Variants in ZMYND8 observed in about 807,000 individuals in gnomAD.
The protein encoded by ZMYND8 is zinc finger MYND-type containing 8, also known as MYND-type zinc finger-containing chromatin reader ZMYND8.
In ZMYND8, 37 loss-of-function variants were observed where a neutral mutation model predicts 140.8. That is an observed-to-expected ratio of 0.26 (90% CI 0.20 to 0.35). ZMYND8 has a LOEUF of 0.35. Among genes scored for constraint, ZMYND8 ranks in the 10% least tolerant of loss-of-function variants. The probability of loss-of-function intolerance (pLI) is 1.00; values close to 1 mark genes in which losing one functional copy is unlikely to be tolerated. For missense variants in ZMYND8, 1,068 were observed against 1,570.0 expected, an observed-to-expected ratio of 0.68 and a Z score of 5.40; for synonymous variants, 592 against 597.1, an observed-to-expected ratio of 0.99 and a Z score of 0.12.
rs2035148746 is a variant in ZMYND8 at position 47,210,917 on chromosome 20, T to C, written c.3569-20A>G. ...AATGGTCTGAGGGGGAAAACCAATG[T>C]GTTTAGCGTGCCTGCCCACCTGCGC... On this transcript the variant is annotated intron_variant, in intron 22 of 22. Transcript: ENST00000471951. 3 of 1,607,582 alleles carry C rather than the reference T, an allele frequency of 1.9e-6. No individual in the cohort carries two copies. In the East Asian group the frequency reaches 6.7e-5, roughly 36 times the overall value.
chr20:47,346,742 G>A (rs2082364389), intron 2 of ZMYND8, among the ~76,000 whole-genome samples: 1 of 152,182 alleles, frequency 6.6e-6, no homozygotes, highest in African/African-American at 2.4e-5. Context: ...AAGTAGCTAG[G>A]ATTACAGGCG....
rs977923388 is a variant in ZMYND8, at chr20:47,218,848, G to A, written c.3484+1410C>T. On this transcript the variant is annotated intron_variant, in intron 21 of 22. Transcript: ENST00000471951. ...CAAGGCCTAGCCCCTTAGGGAAACCGTTCCCAGCCCCTAACAATGGACATC... is the reference window on the plus strand; with the variant it reads ...CAAGGCCTAGCCCCTTAGGGAAACCATTCCCAGCCCCTAACAATGGACATC... Among the ~76,000 whole-genome samples the A allele has an allele frequency of 2.0e-5, 3 of 152,004 alleles. 1 individual carries two copies. The highest frequency in any genetic ancestry group is 4.1e-4 in the South Asian group (2 of 4,820).
At chr20:47,232,376 T>C (rs979967717) in intron 16 of ZMYND8, among the ~76,000 whole-genome samples, 18 of 151,336 alleles carry the variant, frequency 1.2e-4, no homozygotes, top group Middle Eastern at 3.4e-3. Flanking sequence ...CAAAAATAAA[T>C]AAATAAATAA....
intron 2 of ZMYND8, 44 bp from the exon 3 acceptor site, chr20:47,310,248 G>A (rs2078819297): frequency 1.9e-6 from 3 of 1,551,412 alleles, no homozygotes; most frequent in Non-Finnish European, 2.6e-6. Flanking sequence ...AGTCAGGGAG[G>A]CCTGGGCCCC....
intron 21 of ZMYND8, among the ~76,000 whole-genome samples, chr20:47,213,490 C>A (rs1398671837): frequency 2.0e-5 from 3 of 152,328 alleles, no homozygotes; most frequent in Middle Eastern, 3.4e-3. Flanking sequence ...AGAATTGTCA[C>A]ACTGCAACTT....
Position 47,210,066 on chromosome 20 carries a change from T to C in ZMYND8, c.*695A>G, listed in dbSNP as rs563441128. 1 of 152,820 alleles carries C rather than the reference T, an allele frequency of 6.5e-6. No individual in the cohort carries two copies. Among genetic ancestry groups the C allele is most frequent in the South Asian group, 2.1e-4 (1 of 4,832 alleles). The allele number at this position is 152,820 out of a possible 1,614,324, so 9.5% of individuals were successfully genotyped here. On this transcript the variant is annotated 3_prime_UTR_variant, in exon 23 of 23. Coordinates refer to ENST00000471951, the MANE Select transcript of ZMYND8 (RefSeq NM_001281775.3). ...TCTTCTGTAAACAAGGATATTGTTT[T>C]TTCCCTTTTAGGAGTAGAGTCATCA...
At chr20:47,302,707 C>T (rs1198169033) in intron 3 of ZMYND8, among the ~76,000 whole-genome samples, 1 of 152,162 alleles carries the variant, frequency 6.6e-6, no homozygotes, top group Non-Finnish European at 1.5e-5. Flanking sequence ...TCTCTCTTCC[C>T]TATAGCCCTC....
At position 47,237,041 on chromosome 20, in the gene ZMYND8, C is replaced by G. The variant is rs149518057; in HGVS notation, c.2666-525G>C. ...AATTTCAGCTTATGCTAGACTCTTG[C>G]CCCTATTACAGTAGCATATTACCAA... is the stretch of plus-strand genomic sequence containing the variant. On this transcript the variant is annotated intron_variant, in intron 15 of 22. Transcript: ENST00000471951. Among the ~76,000 whole-genome samples the G allele has an allele frequency of 2.0e-4, 30 of 152,334 alleles. No homozygotes were observed. In the East Asian group the frequency reaches 4.4e-3, roughly 23 times the overall value.
chr20:47,247,204 G>A (rs1343907352), intron 13 of ZMYND8, among the ~76,000 whole-genome samples: 3 of 152,166 alleles, frequency 2.0e-5, no homozygotes, highest in Non-Finnish European at 4.4e-5. Flanking sequence ...ATTTCATATA[G>A]AAATCAAAGC....
rs1441055968 is a variant in ZMYND8 at position 47,350,108 on chromosome 20, A to T, written c.15-2182T>A. 17 of 1,237,322 alleles carry T rather than the reference A, an allele frequency of 1.4e-5. No individual in the cohort carries two copies. The Admixed American group carries it at 6.0e-4, about 44-fold the overall frequency. The allele number at this position is 1,237,322 out of a possible 1,614,324, so 76.6% of individuals were successfully genotyped here. ...AAAAGTTAAGCTGTTTTATCTTTCC[A>T]AGTATTACAAGTGGGCACCATAATC... On this transcript the variant is annotated intron_variant, in intron 1 of 22. Coordinates refer to ENST00000471951, the MANE Select transcript of ZMYND8 (RefSeq NM_001281775.3).
At chr20:47,233,472 G>T (rs1398361390) in intron 16 of ZMYND8, among the ~76,000 whole-genome samples, 3 of 152,096 alleles carry the variant, frequency 2.0e-5, no homozygotes, top group Non-Finnish European at 4.4e-5. Flanking sequence ...GCCTCCCAAA[G>T]TGCTGCGGTT....
chr20:47,345,834 G>A (rs867060875), intron 2 of ZMYND8, among the ~76,000 whole-genome samples: 13 of 150,762 alleles, frequency 8.6e-5, no homozygotes, highest in Admixed American at 2.0e-4. Context: ...AATAGAGATG[G>A]GGGCGGGAGG....
chr20:47,317,637 T>C (rs2079516283), intron 2 of ZMYND8, among the ~76,000 whole-genome samples: 2 of 152,192 alleles, frequency 1.3e-5, no homozygotes, highest in Admixed American at 1.3e-4. Flanking sequence ...GAGACAGGCA[T>C]GACAGGCCAC....
intron 12 of ZMYND8, among the ~76,000 whole-genome samples, chr20:47,257,515 C>T (rs530395254): frequency 5.3e-5 from 8 of 152,024 alleles, no homozygotes; most frequent in African/African-American, 1.9e-4. Context: ...CATACACACA[C>T]ATACATATAC....
Position 47,238,992 on chromosome 20 carries a change from C to G in ZMYND8, c.2431G>C (p.Ala811Pro). The G allele has an allele frequency of 6.2e-7, 1 of 1,609,390 alleles. No homozygotes were observed. Among genetic ancestry groups the G allele is most frequent in the Non-Finnish European group, 8.5e-7 (1 of 1,176,278 alleles). ...ACTGGGCTTCCTGTGGCGGCGGGGG[C>G]CGGGGCCGTGACGGTGACCGTGGAG... is the stretch of plus-strand genomic sequence containing the variant. ...TSSTVTVTAPAPAATGSPVKK... is the reference protein window; with the variant it reads ...TSSTVTVTAPPPAATGSPVKK... Residue 811 changes from alanine (A) to proline (P), a missense_variant, in exon 15 of 23, where the codon GCC becomes CCC. This residue lies in a region of ZMYND8 where 383 missense variants were observed against 431.2 expected (regional missense o/e 0.89). Coordinates refer to ENST00000471951, the MANE Select transcript of ZMYND8 (RefSeq NM_001281775.3).
intron 12 of ZMYND8, among the ~76,000 whole-genome samples, chr20:47,254,614 T>C (rs532873167): frequency 6.6e-6 from 1 of 152,094 alleles, no homozygotes; most frequent in Admixed American, 6.6e-5. Flanking sequence ...TTAGCACTGC[T>C]GTAGGGGAGC....
At chr20:47,214,561 T>C (rs1488388915) in intron 21 of ZMYND8, among the ~76,000 whole-genome samples, 1 of 152,204 alleles carries the variant, frequency 6.6e-6, no homozygotes, top group Non-Finnish European at 1.5e-5. Context: ...TGGCACGGTC[T>C]CAACTCACTG....
chr20:47,313,088 G>A (rs147388343), intron 2 of ZMYND8, among the ~76,000 whole-genome samples: 21 of 152,096 alleles, frequency 1.4e-4, no homozygotes, highest in Admixed American at 3.9e-4. Flanking sequence ...TCACATGGCC[G>A]GACACAGTGT....
chr20:47,271,077 A>G (rs1414410116), intron 11 of ZMYND8, among the ~76,000 whole-genome samples: 2 of 152,104 alleles, frequency 1.3e-5, no homozygotes, highest in Non-Finnish European at 2.9e-5. Flanking sequence ...ACTCCGTCTA[A>G]AAAGAAAAAA....
Sources: allele counts gnomAD v4.1 joint callset (sites outside exome capture counted in the v4.1 genomes callset), GRCh38; gene constraint gnomAD v4.1.1; regional missense constraint gnomAD v4.1.1; transcripts MANE v1.5; gene names NCBI Gene and HGNC (gene_info 2026-07-23, HGNC 2026-07-21).